The following TJP2 variants were observed in gnomAD, a reference collection of about 807,000 sequenced individuals.
TJP2 encodes the protein Friedreich ataxia region gene X104 (tight junction protein ZO-2).
A neutral mutation model predicts 133.1 loss-of-function variants in TJP2; 91 were observed. That is an observed-to-expected ratio of 0.68 (90% CI 0.58 to 0.81). The LOEUF is 0.81. TJP2 is among the 40% of genes least tolerant of loss of function. The pLI is 0.00. For synonymous variants in TJP2, 592 were observed against 583.4 expected (o/e 1.01, Z -0.21); for missense variants, 1,541 against 1,565.6 (o/e 0.98, Z 0.26).
At chr9:69,222,441 C>T (rs887867951) in intron 5 of TJP2, among the ~76,000 whole-genome samples, 5 of 152,036 alleles carry the variant, frequency 3.3e-5, no homozygotes, top group African/African-American at 1.2e-4. Flanking sequence ...GCTGGGATTA[C>T]AGGTGTGAGC....
At chr9:69,241,366 T>C (rs1830566131) in intron 17 of TJP2, among the ~76,000 whole-genome samples, 1 of 152,214 alleles carries the variant, frequency 6.6e-6, no homozygotes, top group South Asian at 2.1e-4. Context: ...AAGGATATGA[T>C]ATCCTTAGGA....
intron 2 of TJP2, among the ~76,000 whole-genome samples, chr9:69,151,978 A>T (rs779676755): frequency 5.9e-5 from 9 of 152,236 alleles, no homozygotes; most frequent in African/African-American, 1.2e-4. Flanking sequence ...CTGAATTGAT[A>T]GGTATAACTT....
At chr9:69,165,912 A>G (rs1299203543) in intron 2 of TJP2, among the ~76,000 whole-genome samples, 1 of 152,080 alleles carries the variant, frequency 6.6e-6, no homozygotes, top group East Asian at 1.9e-4. Flanking sequence ...CCTCAGCCCC[A>G]GGCGGAGCAC....
chr9:69,132,463 C>T (rs746435803), intron 1 of TJP2, among the ~76,000 whole-genome samples: 45 of 152,096 alleles, frequency 3.0e-4, no homozygotes, highest in Non-Finnish European at 5.0e-4. Context: ...AATGCAGCCT[C>T]GGGGCCTGGT....
chr9:69,206,294 C>G lies in TJP2; in HGVS notation c.61-6254C>G, dbSNP rs559749219. Among the ~76,000 whole-genome samples the G allele has an allele frequency of 6.5e-4, 99 of 152,246 alleles. No homozygotes were observed. The Middle Eastern group carries it at 0.01, about 16-fold the overall frequency. On this transcript the variant is annotated intron_variant, in intron 1 of 22. Coordinates refer to ENST00000377245, the MANE Select transcript of TJP2 (RefSeq NM_004817.4). Reference sequence around the variant, plus strand: ...GGCGTTTTCTGCATACACCTCCCCCCACAACTCCCCAGACCTAACCTGCGT... The same window carrying G: ...GGCGTTTTCTGCATACACCTCCCCCGACAACTCCCCAGACCTAACCTGCGT...
rs1057515614 is a variant in TJP2 at position 69,226,167 on chromosome 9, A to G, written c.1202A>G (p.Glu401Gly). ...NIPSLNDSDSEIEDISEIESN... is the reference protein window; with the variant it reads ...NIPSLNDSDSGIEDISEIESN... Reference sequence around the variant, plus strand: ...CCGTCATTAAATGACAGTGACTCAGAAATAGAAGGTAAAGGAAGAGGAGGC... The same window carrying G: ...CCGTCATTAAATGACAGTGACTCAGGAATAGAAGGTAAAGGAAGAGGAGGC... The change falls in exon 7 of 23, where the codon GAA (glutamate) becomes GGA (glycine). Residue 401 changes from glutamate (E) to glycine (G), a missense_variant. Physicochemically the swap from Glu to Gly is moderately conservative, Grantham distance 98. Transcript: ENST00000377245. The G allele has an allele frequency of 3.7e-6, 6 of 1,614,134 alleles. No homozygotes were observed. Among genetic ancestry groups the G allele is most frequent in the Non-Finnish European group, 5.1e-6 (6 of 1,180,036 alleles).
rs1563924782 is a variant in TJP2, at chr9:69,221,095, C to A, written c.551C>A (p.Ala184Asp). ...GAAAGGGGGCGTCCCCATGAGCGGG[C>A]CCGGAGCCGGGAGCGGGACCTCAGC... ...SPERGRPHER[A>D]RSRERDLSRD... is the part of the protein sequence containing the mutation. Residue 184 changes from alanine (A) to aspartate (D), a missense_variant, in exon 5 of 23, where the codon GCC (alanine) becomes GAC (aspartate). Ala to Asp is a moderately radical substitution (Grantham distance 126). Transcript: ENST00000377245. 1 of 1,584,436 alleles carries A rather than the reference C, an allele frequency of 6.3e-7. No individual in the cohort carries two copies. Among genetic ancestry groups the A allele is most frequent in the Non-Finnish European group, 8.6e-7 (1 of 1,165,848 alleles).
Position 69,236,985 on chromosome 9 carries a change from A to G in TJP2, c.2028A>G (p.Arg676=), listed in dbSNP as rs1057515616. 3 of 1,614,166 alleles carry G rather than the reference A, an allele frequency of 1.9e-6. No homozygotes were observed. Among genetic ancestry groups the G allele is most frequent in the Non-Finnish European group, 2.5e-6 (3 of 1,180,030 alleles). ...TGGCCAGTGTTCAAAATGCCCAGAGAGACAACGCTGGGGACCGGGCAGATT... is the reference window on the plus strand; with the variant it reads ...TGGCCAGTGTTCAAAATGCCCAGAGGGACAACGCTGGGGACCGGGCAGATT... ...EQMASVQNAQ[R]DNAGDRADFW... Residue 676 remains arginine, a synonymous_variant, in exon 14 of 23, where the codon AGA becomes AGG. Coordinates refer to ENST00000377245, the MANE Select transcript of TJP2 (RefSeq NM_004817.4).
intron 2 of TJP2, among the ~76,000 whole-genome samples, chr9:69,159,754 T>G (rs1823965697): frequency 1.3e-5 from 2 of 151,530 alleles, no homozygotes; most frequent in Non-Finnish European, 2.9e-5. Context: ...AACGCGCCTG[T>G]AGTCCCAGCT....
intron 9 of TJP2, 68 bp downstream of exon 9, chr9:69,228,182 A>G: frequency 6.5e-7 from 1 of 1,549,764 alleles, no homozygotes; most frequent in South Asian, 1.2e-5. Context: ...AGCCATAACA[A>G]AGAGTGAAAT....
In TJP2 at chr9:69,230,142, T is replaced by G; in HGVS notation, c.1581T>G (p.Gly527=). 3 of 1,614,186 alleles carry G rather than the reference T, an allele frequency of 1.9e-6. No individual in the cohort carries two copies. The highest frequency in any genetic ancestry group is 2.5e-6 in the Non-Finnish European group (3 of 1,180,030). The part of the protein sequence containing the change: ...KGDSVGLRLA[G]GNDVGIFVAG... ...ACAGCGTGGGCCTCCGGTTGGCTGG[T>G]GGCAATGATGTCGGGATATTTGTTG... The change falls in exon 11 of 23, where the codon GGT becomes GGG. Residue 527 remains glycine (G), a synonymous_variant. Coordinates refer to ENST00000377245, the MANE Select transcript of TJP2 (RefSeq NM_004817.4).
chr9:69,253,955 C>CT (rs1484577909), intron 22 of TJP2: 1 of 531,556 alleles, frequency 1.9e-6, no homozygotes. Flanking sequence ...AGGGCACCCC[C>CT]TGTCCAACAG....
chr9:69,169,917 C>T (rs1824586441), upstream of TJP2, among the ~76,000 whole-genome samples: 1 of 152,104 alleles, frequency 6.6e-6, no homozygotes, highest in Non-Finnish European at 1.5e-5. Flanking sequence ...TCATAGCTTA[C>T]TGCAGCCTCA....
chr9:69,216,804 GTTTTA>G (rs1363160821), intron 3 of TJP2, among the ~76,000 whole-genome samples: 5 of 152,004 alleles, frequency 3.3e-5, no homozygotes, highest in African/African-American at 4.8e-5. Flanking sequence ...GTTTATGTTT[GTTTTA>G]ATTTATATTC....
intron 2 of TJP2, among the ~76,000 whole-genome samples, chr9:69,161,853 GC>G (rs1824092117): frequency 1.3e-5 from 2 of 150,148 alleles, no homozygotes; most frequent in African/African-American, 4.9e-5. Context: ...TTTGAGACCA[GC>G]CTGGCCAACA....
chr9:69,151,149 T>C (rs180976854), intron 1 of TJP2, among the ~76,000 whole-genome samples: 82 of 151,986 alleles, frequency 5.4e-4, no homozygotes, highest in Admixed American at 1.1e-3. Flanking sequence ...TGGCTAATGG[T>C]TATGGGGCTT....
chr9:69,238,672 C>A (rs1353899736), intron 15 of TJP2, 38 bp from the exon 16 acceptor site: 3 of 1,568,330 alleles, frequency 1.9e-6, no homozygotes, highest in Non-Finnish European at 2.6e-6. Context: ...TCACTGTTTT[C>A]TAAACAATTA....
intron 2 of TJP2, among the ~76,000 whole-genome samples, chr9:69,155,266 G>C (rs1435176904): frequency 7.4e-6 from 1 of 135,104 alleles, no homozygotes; most frequent in Non-Finnish European, 1.6e-5. Flanking sequence ...GAAAACAAAA[G>C]AAGTGAGTTG....
intron 1 of TJP2, among the ~76,000 whole-genome samples, chr9:69,183,713 A>AT (rs1454782675): frequency 1.3e-5 from 2 of 152,124 alleles, no homozygotes; most frequent in African/African-American, 2.4e-5. Flanking sequence ...TAGGTTAGGG[A>AT]TTTTTTAAAA....
Sources: gnomAD v4.1 joint callset for allele counts (sites outside exome capture counted in the v4.1 genomes callset) on GRCh38, gnomAD v4.1.1 for gene constraint, MANE v1.5 for transcripts, NCBI Gene and HGNC (gene_info 2026-07-23, HGNC 2026-07-21) for gene names.